CCNH: variants seen among roughly 807,000 people sequenced by gnomAD.
CCNH encodes cyclin-H.
A neutral mutation model predicts 41.9 loss-of-function variants in CCNH; 31 were observed. That is an observed-to-expected ratio of 0.74 (90% CI 0.56 to 1.00). The LOEUF (loss-of-function observed/expected upper bound fraction) is 1.00, where lower values mean the gene tolerates loss of function less well. Among genes scored for constraint, CCNH ranks in the 50% least tolerant of loss-of-function variants. CCNH has a pLI of 0.00. For missense variants in CCNH, 362 were observed against 388.4 expected, an observed-to-expected ratio of 0.93 and a Z score of 0.57; for synonymous variants, 138 against 136.1, an observed-to-expected ratio of 1.01 and a Z score of -0.10.
chr5:87,338,536 A>ATATT, intron 9 of CCNH, among the ~76,000 whole-genome samples: 5,618 of 84,900 alleles, frequency 0.066, 444 homozygotes, highest in Middle Eastern at 0.11. Context: ...TATATATAAA[A>ATATT]TTTTTTTTTT....
Position 87,400,690 on chromosome 5 carries a change from C to T in CCNH, c.760+1012G>A, listed in dbSNP as rs74372085. On this transcript the variant is annotated intron_variant, in intron 6 of 8. Coordinates refer to ENST00000256897, the MANE Select transcript of CCNH (RefSeq NM_001239.4). ...AATATATAAAATGTATGCCCATTTA[C>T]TGTCATCGAAAATCAAGATTTCAAT... Among the ~76,000 whole-genome samples, 278 of 152,290 alleles carry T rather than the reference C, an allele frequency of 1.8e-3. 1 individual carries two copies. The highest frequency in any genetic ancestry group is 5.0e-3 in the Admixed American group (76 of 15,294).
At chr5:87,411,394 A>C (rs766879478) in intron 1 of CCNH, 48 bp from the exon 2 acceptor site, 17 of 1,546,464 alleles carry the variant, frequency 1.1e-5, no homozygotes, top group Non-Finnish European at 1.5e-5. Context: ...CAATGAATTA[A>C]ACAATTGTAA....
chr5:87,327,650 GTTTTCACATTC>G (rs565632644), intron 9 of CCNH, among the ~76,000 whole-genome samples: 20 of 152,268 alleles, frequency 1.3e-4, no homozygotes, highest in Admixed American at 5.9e-4. Context: ...AGCCTAAACT[GTTTTCACATTC>G]TTTTCACATG....
rs61406373 is a variant in CCNH, at chr5:87,339,231, T to C, written c.*91-20334A>G. Reference sequence around the variant, plus strand: ...ATTCTGGCAACCAAATCTTGATCCATAGAAGTAAAACATACTGAGTAGAGG... The same window carrying C: ...ATTCTGGCAACCAAATCTTGATCCACAGAAGTAAAACATACTGAGTAGAGG... On this transcript the variant is annotated intron_variant and NMD_transcript_variant, in intron 9 of 9. Coordinates refer to the CCNH transcript ENST00000645953. Among the ~76,000 whole-genome samples the C allele has an allele frequency of 3.4e-3, 522 of 152,230 alleles. 6 individuals are homozygous for C. The highest frequency in any genetic ancestry group is 8.5e-3 in the East Asian group (44 of 5,180).
At chr5:87,325,200 A>C (rs1224626395) in intron 9 of CCNH, among the ~76,000 whole-genome samples, 1 of 152,140 alleles carries the variant, frequency 6.6e-6, no homozygotes, top group Admixed American at 6.6e-5. Context: ...AAACCATTAG[A>C]TCTCGTGAGA....
intron 9 of CCNH, chr5:87,353,267 G>A: frequency 6.6e-7 from 1 of 1,518,092 alleles, no homozygotes; most frequent in Non-Finnish European, 9.1e-7. Context: ...GCAATAATTA[G>A]CATTTTATTT....
intron 7 of CCNH, 103 bp downstream of exon 7, chr5:87,399,291 A>T (rs1271325232): frequency 2.5e-6 from 2 of 790,270 alleles, no homozygotes; most frequent in African/African-American, 3.4e-5. Flanking sequence ...TTTATGGATC[A>T]GTCAGCTTTC....
At chr5:87,395,138 T>C (rs556002658) in intron 7 of CCNH, 34 bp from the exon 8 acceptor site, 4 of 1,582,348 alleles carry the variant, frequency 2.5e-6, no homozygotes, top group South Asian at 2.3e-5. Flanking sequence ...AGCAATCCAA[T>C]ACCAGCCACA....
intron 7 of CCNH, among the ~76,000 whole-genome samples, chr5:87,396,648 G>C (rs1305621967): frequency 6.6e-6 from 1 of 151,718 alleles, no homozygotes; most frequent in African/African-American, 2.4e-5. Context: ...AAAAAAGCCA[G>C]AAAATTGGGC....
At chr5:87,400,059 G>A (rs1763284398) in intron 6 of CCNH, among the ~76,000 whole-genome samples, 1 of 152,160 alleles carries the variant, frequency 6.6e-6, no homozygotes, top group South Asian at 2.1e-4. Flanking sequence ...TACTGTATCA[G>A]TAACTTTATA....
rs533433822 is a variant in CCNH, at chr5:87,349,147, A to C, written c.*91-30250T>G. The C allele has an allele frequency of 5.4e-5, 85 of 1,560,556 alleles. No homozygotes were observed. In the African/African-American group the frequency reaches 8.0e-4, roughly 15 times the overall value. ...ATGACTTTGAATGCACTTTGTAATA[A>C]TACTACTTAACATCTTTTCTTTTTT... On this transcript the variant is annotated intron_variant and NMD_transcript_variant, in intron 9 of 9. Transcript: ENST00000645953.
chr5:87,411,981 G>A (rs1764284424), intron 1 of CCNH, among the ~76,000 whole-genome samples: 1 of 152,150 alleles, frequency 6.6e-6, no homozygotes, highest in South Asian at 2.1e-4. Context: ...AAGGAACTTG[G>A]CTAGCGGGCC....
intron 9 of CCNH, among the ~76,000 whole-genome samples, chr5:87,365,581 T>A (rs1008684777): frequency 6.6e-6 from 1 of 152,100 alleles, no homozygotes; most frequent in African/African-American, 2.4e-5. Flanking sequence ...ACATAATGAA[T>A]TTGATATATT....
At chr5:87,361,923 A>T (rs1234520380) in intron 9 of CCNH, among the ~76,000 whole-genome samples, 3 of 152,086 alleles carry the variant, frequency 2.0e-5, no homozygotes, top group African/African-American at 7.2e-5. Context: ...TACATGAGGA[A>T]ATGGCCATTG....
At position 87,383,857 on chromosome 5, in the gene CCNH, A is replaced by G. The variant is rs529840267; in HGVS notation, c.*90+8913T>C. 7 of 1,254,136 alleles carry G rather than the reference A, an allele frequency of 5.6e-6. No individual in the cohort carries two copies. In the African/African-American group the frequency reaches 9.2e-5, roughly 17 times the overall value. 77.7% of individuals were successfully genotyped at this position (1,254,136 alleles called of 1,614,324 possible). A position where few individuals can be genotyped will look rare whatever the true frequency, so the allele number is the denominator to read the frequency against. ...TCATACTATTTAAGAATACTCTTAA[A>G]TCTTTTTTTTTTTTTTGATCATCCA... is the stretch of plus-strand genomic sequence containing the variant. On this transcript the variant is annotated intron_variant and NMD_transcript_variant, in intron 9 of 9. Coordinates refer to the CCNH transcript ENST00000645953.
At chr5:87,363,704 T>C (rs914275422) in intron 9 of CCNH, among the ~76,000 whole-genome samples, 3 of 152,182 alleles carry the variant, frequency 2.0e-5, no homozygotes, top group East Asian at 1.9e-4. Flanking sequence ...CAGAAATCTT[T>C]GGCATGACAT....
intron 9 of CCNH, among the ~76,000 whole-genome samples, chr5:87,357,646 A>C (rs987119334): frequency 1.3e-5 from 2 of 152,102 alleles, no homozygotes; most frequent in African/African-American, 4.8e-5. Context: ...TGGAGGTTGC[A>C]GTGAGCCGAG....
downstream of CCNH, chr5:87,389,451 T>C (rs1284923601): frequency 6.2e-7 from 1 of 1,614,210 alleles, no homozygotes; most frequent in Non-Finnish European, 8.5e-7. Flanking sequence ...TCCCGTGATT[T>C]AGCAGCATTG....
At chr5:87,350,967 T>C (rs1405865900) in intron 9 of CCNH, among the ~76,000 whole-genome samples, 1 of 151,744 alleles carries the variant, frequency 6.6e-6, no homozygotes, top group Admixed American at 6.6e-5. Flanking sequence ...TCAGAAATAA[T>C]TCCTAGGAAG....
Sources: allele counts gnomAD v4.1 joint callset (sites outside exome capture counted in the v4.1 genomes callset), GRCh38; gene constraint gnomAD v4.1.1; transcripts MANE v1.5; gene names NCBI Gene and HGNC (gene_info 2026-07-23, HGNC 2026-07-21).